CNTN4: variants seen among roughly 807,000 people sequenced by gnomAD.
The protein encoded by CNTN4 is contactin 4, also known as contactin-4.
In CNTN4, 77 loss-of-function variants were observed where a neutral mutation model predicts 122.5. The observed-to-expected ratio is 0.63, with a 90% CI of 0.52 to 0.76. CNTN4 has a LOEUF of 0.76. Among genes scored for constraint, CNTN4 ranks in the 30% least tolerant of loss-of-function variants. The probability of loss-of-function intolerance (pLI) is 0.00; values close to 1 mark genes in which losing one functional copy is unlikely to be tolerated. For missense variants in CNTN4, 1,256 were observed against 1,259.1 expected, an observed-to-expected ratio of 1.00 and a Z score of 0.04; for synonymous variants, 512 against 447.0, an observed-to-expected ratio of 1.15 and a Z score of -1.83.
At chr3:2,556,397 T>G (rs1159548025) in intron 3 of CNTN4, among the ~76,000 whole-genome samples, 1 of 152,234 alleles carries the variant, frequency 6.6e-6, no homozygotes, top group Non-Finnish European at 1.5e-5. Flanking sequence ...GCATGAGTTA[T>G]TTCACGAAGT....
At chr3:2,284,636 A>C (rs1290400464) in intron 2 of CNTN4, among the ~76,000 whole-genome samples, 1 of 152,064 alleles carries the variant, frequency 6.6e-6, no homozygotes, top group Non-Finnish European at 1.5e-5. Flanking sequence ...ATTGTGGAGA[A>C]ATTTATCTGC....
intron 7 of CNTN4, among the ~76,000 whole-genome samples, chr3:2,833,882 A>G (rs1262558787): frequency 2.6e-5 from 4 of 152,110 alleles, no homozygotes; most frequent in Admixed American, 2.6e-4. Flanking sequence ...GCTCACACCT[A>G]TAATCCCAAC....
intron 3 of CNTN4, among the ~76,000 whole-genome samples, chr3:2,523,366 A>AC (rs1394547931): frequency 2.8e-5 from 4 of 143,078 alleles, no homozygotes; most frequent in Non-Finnish European, 4.8e-5. Context: ...TAAAAAAAAA[A>AC]AAAAAACAAA....
chr3:2,522,830 G>A (rs754587477), intron 3 of CNTN4, among the ~76,000 whole-genome samples: 1 of 151,756 alleles, frequency 6.6e-6, no homozygotes, highest in Admixed American at 6.6e-5. Context: ...TCCCAACTGA[G>A]GAATTCTTTC....
chr3:2,592,072 G>A (rs1286261007), intron 4 of CNTN4, among the ~76,000 whole-genome samples: 1 of 151,908 alleles, frequency 6.6e-6, no homozygotes, highest in Non-Finnish European at 1.5e-5. Context: ...GTACAGATGA[G>A]GTTTCACTTT....
intron 6 of CNTN4, among the ~76,000 whole-genome samples, chr3:2,769,515 A>G (rs2090998988): frequency 6.6e-6 from 1 of 152,022 alleles, no homozygotes; most frequent in Non-Finnish European, 1.5e-5. Flanking sequence ...AGTCAATTAA[A>G]GGACAGTTTT....
At chr3:2,523,239 G>A (rs545788217) in intron 3 of CNTN4, among the ~76,000 whole-genome samples, 2 of 151,574 alleles carry the variant, frequency 1.3e-5, no homozygotes, top group East Asian at 2.0e-4. Context: ...AAAGTGAAAT[G>A]TGGGCTTTTC....
In CNTN4 at chr3:2,581,543, C is replaced by G. The variant is rs192614009; in HGVS notation, c.55+9985C>G. ...GTTGACTCAAAGAATAAGGTAAATA[C>G]TGTTTTAACACATCCCCTTTAAGAC... On this transcript the variant is annotated intron_variant, in intron 4 of 24. Transcript: ENST00000418658. 8.3e-4 allele frequency among the ~76,000 whole-genome samples: 126 copies of G among 152,268 alleles called. 1 individual carries two copies. The highest frequency in any genetic ancestry group is 2.8e-3 in the African/African-American group (116 of 41,550).
rs2077397400 is a variant in CNTN4 at position 2,526,346 on chromosome 3, A to G, written c.-88-45070A>G. ...TATCAGGTAGTTTCACCTACATTTT[A>G]TGGCATATTTAAAGGACAAATTCTT... On this transcript the variant is annotated intron_variant, in intron 3 of 24. Coordinates refer to ENST00000418658, the MANE Select transcript of CNTN4 (RefSeq NM_175607.3). Among the ~76,000 whole-genome samples, 4 of 152,308 alleles carry G rather than the reference A, an allele frequency of 2.6e-5. No individual in the cohort carries two copies. The South Asian group carries it at 8.3e-4, about 32-fold the overall frequency.
intron 3 of CNTN4, among the ~76,000 whole-genome samples, chr3:2,424,044 TA>T: frequency 6.6e-6 from 1 of 150,724 alleles, no homozygotes; most frequent in Admixed American, 6.7e-5. Context: ...AAAATTCTCA[TA>T]AAAGAGGTAG....
chr3:2,962,212 C>A (rs1040984786), intron 13 of CNTN4, among the ~76,000 whole-genome samples: 5 of 152,188 alleles, frequency 3.3e-5, no homozygotes, highest in South Asian at 2.1e-4. Flanking sequence ...GAGAATTATG[C>A]CCCTTAGGGA....
intron 2 of CNTN4, among the ~76,000 whole-genome samples, chr3:2,274,670 T>G (rs2149841331): frequency 6.6e-6 from 1 of 152,152 alleles, no homozygotes; most frequent in East Asian, 1.9e-4. Flanking sequence ...TTAAGAAAGG[T>G]TTCAAAAGAT....
At chr3:2,650,120 A>G (rs2083298549) in intron 4 of CNTN4, among the ~76,000 whole-genome samples, 1 of 149,678 alleles carries the variant, frequency 6.7e-6, no homozygotes, top group Non-Finnish European at 1.5e-5. Flanking sequence ...GAAGGAAGGA[A>G]ATTTATAATT....
intron 6 of CNTN4, among the ~76,000 whole-genome samples, chr3:2,810,936 A>G (rs2092590352): frequency 6.6e-6 from 1 of 152,130 alleles, no homozygotes; most frequent in Non-Finnish European, 1.5e-5. Flanking sequence ...ACAGCTCTGA[A>G]TAAGCTTTCC....
chr3:2,282,533 G>A (rs1375346126), intron 2 of CNTN4, among the ~76,000 whole-genome samples: 2 of 151,922 alleles, frequency 1.3e-5, no homozygotes. Context: ...GAATAGTTTG[G>A]ATAATAATGA....
At chr3:2,457,651 A>G (rs1052975278) in intron 3 of CNTN4, among the ~76,000 whole-genome samples, 40 of 152,118 alleles carry the variant, frequency 2.6e-4, no homozygotes, top group African/African-American at 9.4e-4. Context: ...AAACCAGGGG[A>G]GACTAAAACT....
chr3:2,422,996 C>A (rs1239753027), intron 3 of CNTN4, among the ~76,000 whole-genome samples: 1 of 152,132 alleles, frequency 6.6e-6, no homozygotes, highest in African/African-American at 2.4e-5. Flanking sequence ...CTTTAGTTGC[C>A]CTCTTTTTCA....
chr3:2,584,697 CAAAAAAA>C (rs67755648), intron 4 of CNTN4, among the ~76,000 whole-genome samples: 5 of 73,118 alleles, frequency 6.8e-5, no homozygotes, highest in East Asian at 4.6e-4. Context: ...AACTCCGTCT[CAAAAAAA>C]AAAAAAAAAA....
intron 3 of CNTN4, among the ~76,000 whole-genome samples, chr3:2,411,363 G>A (rs570917841): frequency 7.2e-5 from 11 of 152,254 alleles, no homozygotes; most frequent in African/African-American, 2.6e-4. Flanking sequence ...AAACTGATAT[G>A]CATGATGCAT....
Sources: allele counts gnomAD v4.1 joint callset (sites outside exome capture counted in the v4.1 genomes callset), GRCh38; gene constraint gnomAD v4.1.1; transcripts MANE v1.5; gene names NCBI Gene and HGNC (gene_info 2026-07-23, HGNC 2026-07-21).